Variants in SORBS2 observed in about 807,000 individuals in gnomAD.
The protein encoded by SORBS2 is sorbin and SH3 domain containing 2.
In SORBS2, 46 loss-of-function variants were observed where a neutral mutation model predicts 97.7. The ratio of observed to expected loss-of-function variants is 0.47; its 90% CI spans 0.37 to 0.60. SORBS2 has a LOEUF of 0.60. Ranked by LOEUF, SORBS2 falls within the 20% of genes least tolerant of loss-of-function variation. The pLI is 0.00. For missense variants in SORBS2, 1,316 were observed against 1,282.3 expected (o/e 1.03, Z -0.40); for synonymous variants, 476 against 473.4 (o/e 1.01, Z -0.07).
At chr4:185,633,229 C>CT (rs1428200318) in intron 4 of SORBS2, among the ~76,000 whole-genome samples, 3 of 152,056 alleles carry the variant, frequency 2.0e-5, no homozygotes, top group African/African-American at 7.2e-5. Context: ...AGTTGATAAA[C>CT]GGTAGCTAAG....
chr4:185,917,161 G>T (rs965445026), intron 1 of SORBS2, among the ~76,000 whole-genome samples: 16 of 152,168 alleles, frequency 1.1e-4, no homozygotes, highest in African/African-American at 3.6e-4. Context: ...TGGCAGGGAA[G>T]GCACAGAAGC....
intron 2 of SORBS2, among the ~76,000 whole-genome samples, chr4:185,767,824 T>A (rs1258089738): frequency 6.6e-6 from 1 of 152,188 alleles, no homozygotes. Context: ...TGCTCAGCAG[T>A]ATTACTAACA....
Position 185,755,381 on chromosome 4 carries a change from A to G in SORBS2, c.-198+19846T>C, listed in dbSNP as rs80099950. Among the ~76,000 whole-genome samples, 446 of 152,372 alleles carry G rather than the reference A, an allele frequency of 2.9e-3. 1 individual carries two copies. The highest frequency in any genetic ancestry group is 0.01 in the Middle Eastern group (3 of 294). On this transcript the variant is annotated intron_variant, in intron 2 of 20. Coordinates refer to the SORBS2 transcript ENST00000284776. ...CACTTGGAATGTGACCATAGACTCC[A>G]CTATCCTTAGACTACATCAAAATTA...
chr4:185,877,941 C>T (rs903759565), intron 1 of SORBS2, among the ~76,000 whole-genome samples: 5 of 148,842 alleles, frequency 3.4e-5, no homozygotes, highest in Admixed American at 3.3e-4. Context: ...AACTCTTTAC[C>T]CAAAAAAACA....
chr4:185,954,764 A>G (rs569854823), intron 1 of SORBS2, among the ~76,000 whole-genome samples: 3 of 152,246 alleles, frequency 2.0e-5, no homozygotes, highest in African/African-American at 4.8e-5. Context: ...TCGAGACAAG[A>G]CTGGTCAACA....
rs748984216 is a variant in SORBS2, at chr4:185,666,087, G to A, written c.-45-3845C>T. 4.7e-6 allele frequency: 6 copies of A among 1,289,808 alleles called. No individual in the cohort carries two copies. The South Asian group carries it at 7.4e-5, about 16-fold the overall frequency. 79.9% of individuals were successfully genotyped at this position (1,289,808 alleles called of 1,614,324 possible). A position where few individuals can be genotyped will look rare whatever the true frequency, so the allele number is the denominator to read the frequency against. On this transcript the variant is annotated intron_variant, in intron 4 of 20. Coordinates refer to the SORBS2 transcript ENST00000284776. ...TGGTGCCACTGCCTGGTGAGAAAGT[G>A]GCTCGGTTCAAAGGTACCACGGAAG...
intron 2 of SORBS2, among the ~76,000 whole-genome samples, chr4:185,701,717 C>T (rs2098265065): frequency 6.6e-6 from 1 of 151,786 alleles, no homozygotes; most frequent in South Asian, 2.1e-4. Context: ...GAAAATGTCA[C>T]TCATATTGGG....
intron 2 of SORBS2, among the ~76,000 whole-genome samples, chr4:185,759,966 T>G (rs553802010): frequency 6.6e-6 from 1 of 152,320 alleles, no homozygotes; most frequent in East Asian, 1.9e-4. Context: ...GCCACAGCAC[T>G]TTCATATTCC....
chr4:185,678,607 A>G (rs959828808), intron 3 of SORBS2, 60 bp from the exon 7 acceptor site: 1 of 1,447,750 alleles, frequency 6.9e-7, no homozygotes, highest in Middle Eastern at 1.8e-4. Context: ...AACATTTTTT[A>G]TAAAATTTAT....
chr4:185,709,178 C>T lies in SORBS2; in HGVS notation c.-197-30356G>A, dbSNP rs570999950. On this transcript the variant is annotated intron_variant, in intron 2 of 20. Transcript: ENST00000284776. ...GGATTACAGGCATGCACCACCACAC[C>T]CAGCTAACTTTTGTATTTTTTAGTA... Among the ~76,000 whole-genome samples, 173 of 152,296 alleles carry T rather than the reference C, an allele frequency of 1.1e-3. 1 individual carries two copies. In the South Asian group the frequency reaches 0.026, roughly 23 times the overall value.
intron 2 of SORBS2, among the ~76,000 whole-genome samples, chr4:185,702,505 C>T (rs965128203): frequency 3.9e-5 from 6 of 152,186 alleles, no homozygotes; most frequent in Admixed American, 3.3e-4. Context: ...CCATTAAGCC[C>T]CATCTCCAAT....
At chr4:185,828,582 A>G (rs940940339) in intron 1 of SORBS2, among the ~76,000 whole-genome samples, 20 of 152,172 alleles carry the variant, frequency 1.3e-4, no homozygotes, top group Admixed American at 3.9e-4. Flanking sequence ...TTTCCCTGAC[A>G]GGTAGCACAA....
chr4:185,669,120 T>C (rs557579303), intron 4 of SORBS2, among the ~76,000 whole-genome samples: 1 of 152,134 alleles, frequency 6.6e-6, no homozygotes, highest in Non-Finnish European at 1.5e-5. Flanking sequence ...CTGGAGCTCC[T>C]GAGGAATGAA....
At chr4:185,919,639 A>T (rs2099260065) in intron 1 of SORBS2, among the ~76,000 whole-genome samples, 1 of 152,214 alleles carries the variant, frequency 6.6e-6, no homozygotes. Flanking sequence ...AGAAAAGTCA[A>T]ACCCGCATCA....
At chr4:185,599,998 ACAT>A (rs1331766965) in intron 12 of SORBS2, among the ~76,000 whole-genome samples, 1 of 152,216 alleles carries the variant, frequency 6.6e-6, no homozygotes, top group East Asian at 1.9e-4. Context: ...AATCTCCTAG[ACAT>A]CACTGGGCTA....
intron 2 of SORBS2, among the ~76,000 whole-genome samples, chr4:185,699,663 A>G (rs928805521): frequency 2.6e-5 from 4 of 152,164 alleles, no homozygotes; most frequent in African/African-American, 9.7e-5. Flanking sequence ...TAATAAGCCA[A>G]TGGAGGAAAA....
At chr4:185,818,380 G>C (rs942699830) in intron 1 of SORBS2, among the ~76,000 whole-genome samples, 1 of 151,952 alleles carries the variant, frequency 6.6e-6, no homozygotes, top group South Asian at 2.1e-4. Flanking sequence ...TAGTAGAAAC[G>C]GAGTTTCACC....
rs771251785 is a variant in SORBS2, at chr4:185,623,479, G to A, written c.1650C>T (p.His550=). Reference sequence around the variant, plus strand: ...TGATGAGGTGGCGGTGGTGGTGGTGGTGGTGATGGTGGTGGTGGTGGCTGG... The same window carrying A: ...TGATGAGGTGGCGGTGGTGGTGGTGATGGTGATGGTGGTGGTGGTGGCTGG... Residue 550 remains histidine, a synonymous_variant, in exon 7 of 15, where the codon CAC becomes CAT. Coordinates refer to ENST00000418609, the Ensembl canonical transcript of SORBS2. The surrounding 1 kb of genome is among the most constrained non-coding windows in gnomAD (Gnocchi z 6.4). 2 of 1,612,958 alleles carry A rather than the reference G, an allele frequency of 1.2e-6. No individual in the cohort carries two copies. The highest frequency in any genetic ancestry group is 1.7e-5 in the Admixed American group (1 of 60,012).
At chr4:185,906,991 C>T (rs546736122) in intron 1 of SORBS2, among the ~76,000 whole-genome samples, 8 of 152,066 alleles carry the variant, frequency 5.3e-5, no homozygotes, top group South Asian at 2.1e-4. Context: ...AAGAAATTAG[C>T]AGGGTGTGGT....
Sources: gnomAD v4.1 joint callset for allele counts (sites outside exome capture counted in the v4.1 genomes callset) on GRCh38, gnomAD v4.1.1 for gene constraint, Gnocchi (gnomAD v3.1) non-coding constraint, MANE v1.5 for transcripts, NCBI Gene and HGNC (gene_info 2026-07-23, HGNC 2026-07-21) for gene names.